PLXNA4: variants seen among roughly 807,000 people sequenced by gnomAD.
The protein encoded by PLXNA4 is plexin-A4.
Under a neutral mutation model 191.8 loss-of-function variants are expected in PLXNA4, and 44 were observed. That is an observed-to-expected ratio of 0.23 (90% CI 0.18 to 0.29). The LOEUF (loss-of-function observed/expected upper bound fraction) is 0.29, where lower values mean the gene tolerates loss of function less well. PLXNA4 is among the 10% of genes least tolerant of loss of function. PLXNA4 has a pLI of 1.00. For missense variants in PLXNA4, 1,800 were observed against 2,488.8 expected (o/e 0.72, Z 5.89); for synonymous variants, 1,082 against 1,009.5 (o/e 1.07, Z -1.36).
At chr7:132,530,008 G>A (rs373035497) in intron 1 of PLXNA4, among the ~76,000 whole-genome samples, 1 of 152,120 alleles carries the variant, frequency 6.6e-6, no homozygotes, top group Non-Finnish European at 1.5e-5. Flanking sequence ...TCAAAATCAC[G>A]CATCTGCTGG....
At chr7:132,365,365 G>GCGCA (rs1784039517) in intron 3 of PLXNA4, among the ~76,000 whole-genome samples, 1 of 109,632 alleles carries the variant, frequency 9.1e-6, no homozygotes, top group African/African-American at 3.8e-5. Flanking sequence ...GTGTGTGCGT[G>GCGCA]CGCGCGCATG....
At chr7:132,350,874 G>C (rs79585293) in intron 3 of PLXNA4, among the ~76,000 whole-genome samples, 33 of 152,204 alleles carry the variant, frequency 2.2e-4, no homozygotes, top group African/African-American at 6.3e-4. Flanking sequence ...AGCCAAAAAA[G>C]GAAACAATGC....
At chr7:132,283,365 TAG>T (rs573600900) in intron 4 of PLXNA4, among the ~76,000 whole-genome samples, 9 of 152,284 alleles carry the variant, frequency 5.9e-5, no homozygotes, top group South Asian at 4.2e-4. Flanking sequence ...AACAGTGAAT[TAG>T]AGACTGAGAG....
intron 27 of PLXNA4, 68 bp from the exon 28 acceptor site, chr7:132,146,768 C>T (rs1159753447): frequency 1.3e-6 from 2 of 1,581,200 alleles, no homozygotes; most frequent in Admixed American, 1.7e-5. Flanking sequence ...ACTTACCATG[C>T]ATCCCTTGCT....
At chr7:132,485,154 C>G in intron 3 of PLXNA4, 1 of 1,248,672 alleles carries the variant, frequency 8.0e-7, no homozygotes, top group Non-Finnish European at 1.1e-6. Flanking sequence ...GAATGTGCAC[C>G]CAGTACCTAT....
intron 28 of PLXNA4, among the ~76,000 whole-genome samples, chr7:132,145,669 C>T (rs146150634): frequency 1.3e-5 from 2 of 152,092 alleles, no homozygotes; most frequent in African/African-American, 4.8e-5. Flanking sequence ...CTCACACTGG[C>T]TAATGAACAG....
chr7:132,363,532 T>C (rs1327507732), intron 3 of PLXNA4, among the ~76,000 whole-genome samples: 2 of 152,272 alleles, frequency 1.3e-5, no homozygotes, highest in Non-Finnish European at 2.9e-5. Context: ...CCTTTCTTTT[T>C]AAGACTGAAT....
upstream of PLXNA4, chr7:132,576,568 A>T: frequency 1.0e-6 from 1 of 985,446 alleles, no homozygotes; most frequent in Non-Finnish European, 1.2e-6. This position sits in a 1 kb window ranked among gnomAD's most constrained non-coding sequence, Gnocchi z 5.8. Flanking sequence ...GAACGCAAAT[A>T]CTCCACCGAG....
chr7:132,473,186 G>T (rs990191263), intron 3 of PLXNA4, among the ~76,000 whole-genome samples: 1 of 152,220 alleles, frequency 6.6e-6, no homozygotes, highest in African/African-American at 2.4e-5. Context: ...ATGAGAACTT[G>T]TCACCAGGTG....
At chr7:132,592,288 C>T (rs1802615721) in intron 2 of PLXNA4, among the ~76,000 whole-genome samples, 1 of 152,096 alleles carries the variant, frequency 6.6e-6, no homozygotes, top group Admixed American at 6.5e-5. Context: ...ATCACCTCTG[C>T]GGTGGACAAG....
chr7:132,326,897 G>C (rs1348709679), intron 3 of PLXNA4, among the ~76,000 whole-genome samples: 2 of 151,152 alleles, frequency 1.3e-5, no homozygotes, highest in African/African-American at 4.9e-5. Flanking sequence ...TGTTGTGGCA[G>C]GAAGGGAATG....
intron 2 of PLXNA4, among the ~76,000 whole-genome samples, chr7:132,585,506 A>G (rs940124491): frequency 7.3e-5 from 11 of 151,624 alleles, no homozygotes; most frequent in African/African-American, 2.4e-4. Flanking sequence ...TTGGATCACT[A>G]AAAGATAGAT....
At chr7:132,604,007 C>A (rs1246200272) in intron 2 of PLXNA4, among the ~76,000 whole-genome samples, 2 of 152,096 alleles carry the variant, frequency 1.3e-5, no homozygotes, top group Non-Finnish European at 2.9e-5. Flanking sequence ...CGATAACATG[C>A]CTAAAGTGCC....
At chr7:132,172,395 G>A (rs1297305597) in intron 21 of PLXNA4, among the ~76,000 whole-genome samples, 1 of 152,182 alleles carries the variant, frequency 6.6e-6, no homozygotes, top group East Asian at 1.9e-4. Flanking sequence ...CCCACTTGAG[G>A]GGGCTGGGTG....
rs550460625 is a variant in PLXNA4 at position 132,586,051 on chromosome 7, G to C, written c.-87+59877C>G. ...CTGAACTGCATCAAGGCATTTAATA[G>C]ACTCTTTAATAAAATCCTTGTAGAA... is the stretch of plus-strand genomic sequence containing the variant. On this transcript the variant is annotated intron_variant, in intron 2 of 4. Transcript: ENST00000378539. Among the ~76,000 whole-genome samples, 6 of 152,298 alleles carry C rather than the reference G, an allele frequency of 3.9e-5. 1 individual carries two copies. In the South Asian group the frequency reaches 1.2e-3, roughly 32 times the overall value.
chr7:132,274,065 G>A (rs957518751), intron 4 of PLXNA4, among the ~76,000 whole-genome samples: 1 of 151,826 alleles, frequency 6.6e-6, no homozygotes, highest in Non-Finnish European at 1.5e-5. Flanking sequence ...AGTGAAAGAA[G>A]CCAATACAAA....
At chr7:132,451,889 G>A (rs1403588830) in intron 3 of PLXNA4, among the ~76,000 whole-genome samples, 2 of 152,216 alleles carry the variant, frequency 1.3e-5, no homozygotes, top group Admixed American at 1.3e-4. Flanking sequence ...GACAGCCAAC[G>A]ATTCCCATCT....
chr7:132,569,846 T>C (rs991547853), intron 1 of PLXNA4, among the ~76,000 whole-genome samples: 13 of 152,200 alleles, frequency 8.5e-5, no homozygotes, highest in Admixed American at 7.9e-4. Context: ...TCTGTACCTA[T>C]CTGGCACAAT....
At chr7:132,361,578 A>G (rs1474117526) in intron 3 of PLXNA4, among the ~76,000 whole-genome samples, 1 of 152,108 alleles carries the variant, frequency 6.6e-6, no homozygotes, top group Non-Finnish European at 1.5e-5. Flanking sequence ...ATTTTTTCCA[A>G]CCTACATTAA....
Sources: allele counts gnomAD v4.1 joint callset (sites outside exome capture counted in the v4.1 genomes callset), GRCh38; gene constraint gnomAD v4.1.1; non-coding constraint Gnocchi (gnomAD v3.1); transcripts MANE v1.5; gene names NCBI Gene and HGNC (gene_info 2026-07-23, HGNC 2026-07-21).